The following SCUBE1 variants were observed in gnomAD, a reference collection of about 807,000 sequenced individuals.
SCUBE1 encodes the protein signal peptide, CUB domain and EGF like domain containing 1.
A neutral mutation model predicts 124.4 loss-of-function variants in SCUBE1; 59 were observed. That is an observed-to-expected ratio of 0.47 (90% CI 0.38 to 0.59). The LOEUF is 0.59. SCUBE1 is among the 20% of genes least tolerant of loss of function. SCUBE1 has a pLI of 0.00. For missense variants in SCUBE1, 1,150 were observed against 1,371.2 expected, an observed-to-expected ratio of 0.84 and a Z score of 2.55; for synonymous variants, 545 against 550.9, an observed-to-expected ratio of 0.99 and a Z score of 0.15.
intron 16 of SCUBE1, chr22:43,212,799 G>A: frequency 1.7e-6 from 1 of 585,360 alleles, no homozygotes; most frequent in Non-Finnish European, 3.0e-6. Flanking sequence ...AGCGGTTCAT[G>A]TGCGGCCTTG....
intron 4 of SCUBE1, among the ~76,000 whole-genome samples, chr22:43,273,102 G>C (rs532761967): frequency 2.6e-5 from 4 of 152,350 alleles, no homozygotes; most frequent in African/African-American, 7.2e-5. Context: ...GCAGGCCCTG[G>C]GCTGAGACCG....
chr22:43,322,943 T>C lies in SCUBE1; in HGVS notation c.221-2878A>G, dbSNP rs1361744583. 2.0e-5 allele frequency among the ~76,000 whole-genome samples: 3 copies of C among 152,204 alleles called. No individual in the cohort carries two copies. In the East Asian group the frequency reaches 5.8e-4, roughly 29 times the overall value. ...TTTGGAAGTAGGTGTTTTAACTTCA[T>C]TTTATGGTTGAACAAACTAAAGTGC... is the stretch of plus-strand genomic sequence containing the variant. On this transcript the variant is annotated intron_variant, in intron 2 of 21. Coordinates refer to ENST00000360835, the MANE Select transcript of SCUBE1 (RefSeq NM_173050.5).
Position 43,198,938 on chromosome 22 carries a change from GTCTGTCTGCTGTCCGGGGCAGTTTT to G in SCUBE1, c.*5034_*5058del, listed in dbSNP as rs1245110609. On this transcript the variant is annotated 3_prime_UTR_variant, in exon 22 of 22. Transcript: ENST00000360835. The stretch of plus-strand genomic sequence containing the variant: ...GTCTGCTGTCTGGGGCAGTTTGTCT[GTCTGTCTGCTGTCCGGGGCAGTTTT>G]TCTGTCTGCTGTCCGGGGCAACGTG... 9.5e-4 allele frequency: 350 copies of G among 368,344 alleles called. No homozygotes were observed. Among genetic ancestry groups the G allele is most frequent in the African/African-American group, 6.7e-3 (311 of 46,708 alleles). 22.8% of individuals were successfully genotyped at this position (368,344 alleles called of 1,614,324 possible).
intron 3 of SCUBE1, among the ~76,000 whole-genome samples, chr22:43,307,985 A>G (rs5751478): frequency 0.69 from 104,738 of 151,708 alleles, 37,157 homozygotes; most frequent in African/African-American, 0.87. Context: ...CCTGTAATAA[A>G]CACCCCACAG....
At chr22:43,248,752 TC>T (rs769056286) in intron 6 of SCUBE1, among the ~76,000 whole-genome samples, 45 of 152,118 alleles carry the variant, frequency 3.0e-4, no homozygotes, top group Non-Finnish European at 5.6e-4. Flanking sequence ...TGATATCACC[TC>T]CCTCACCAGC....
At chr22:43,269,519 G>A (rs17003585) in intron 4 of SCUBE1, among the ~76,000 whole-genome samples, 9 of 152,122 alleles carry the variant, frequency 5.9e-5, no homozygotes, top group Non-Finnish European at 1.3e-4. Flanking sequence ...TTGCTATGGC[G>A]ACTTCATCAA....
intron 10 of SCUBE1, among the ~76,000 whole-genome samples, chr22:43,223,828 G>T (rs1922200064): frequency 1.3e-5 from 2 of 152,204 alleles, no homozygotes; most frequent in African/African-American, 4.8e-5. Flanking sequence ...CCTCATGAGT[G>T]ACAGCCTCGC....
At chr22:43,298,908 CG>C (rs1569019777) in intron 3 of SCUBE1, among the ~76,000 whole-genome samples, 2 of 151,970 alleles carry the variant, frequency 1.3e-5, no homozygotes, top group African/African-American at 4.8e-5. Context: ...AAAAATTAGC[CG>C]GGCATGGTGG....
Position 43,255,374 on chromosome 22 carries a change from CCACA to C in SCUBE1, c.727+2841_727+2844del. 4 of 916,524 alleles carry C rather than the reference CCACA, an allele frequency of 4.4e-6. No homozygotes were observed. Among genetic ancestry groups the C allele is most frequent in the Non-Finnish European group, 6.9e-6 (4 of 578,526 alleles). The allele number at this position is 916,524 out of a possible 1,614,324, so 56.8% of individuals were successfully genotyped here. On this transcript the variant is annotated intron_variant, in intron 6 of 21. Transcript: ENST00000360835. This position sits in a 1 kb window ranked among gnomAD's most constrained non-coding sequence, Gnocchi z 4.7. ...ATGCCCCCACACGCACACGTCACAC[CCACA>C]CACAGCACACACACGCCCATGTCCA...
chr22:43,251,026 G>A (rs1237940289), intron 6 of SCUBE1, among the ~76,000 whole-genome samples: 1 of 152,238 alleles, frequency 6.6e-6, no homozygotes, highest in Non-Finnish European at 1.5e-5. Context: ...CATCTGTGAA[G>A]TGGGGATAGC....
At chr22:43,323,358 A>T (rs1195740762) in intron 2 of SCUBE1, among the ~76,000 whole-genome samples, 3 of 152,090 alleles carry the variant, frequency 2.0e-5, no homozygotes, top group Non-Finnish European at 4.4e-5. Context: ...CAACCTATCC[A>T]TTCAAATATC....
intron 3 of SCUBE1, among the ~76,000 whole-genome samples, chr22:43,308,895 A>T (rs937294312): frequency 6.6e-6 from 1 of 152,262 alleles, no homozygotes; most frequent in Non-Finnish European, 1.5e-5. Context: ...GAGAAATGAG[A>T]TGATGTGTCC....
Position 43,215,177 on chromosome 22 carries a change from G to A in SCUBE1, c.1892-926C>T, listed in dbSNP as rs575094915. 4.6e-5 allele frequency among the ~76,000 whole-genome samples: 7 copies of A among 152,348 alleles called. No individual in the cohort carries two copies. In the East Asian group the frequency reaches 1.2e-3, roughly 25 times the overall value. ...TGGCTGATGCCAGGGGATGGAGAGT[G>A]TCAGTTGGATCTGAAGGGGAGGCTC... On this transcript the variant is annotated intron_variant, in intron 15 of 21. Coordinates refer to ENST00000360835, the MANE Select transcript of SCUBE1 (RefSeq NM_173050.5).
chr22:43,297,356 C>T (rs1387695432), intron 3 of SCUBE1, among the ~76,000 whole-genome samples: 1 of 152,376 alleles, frequency 6.6e-6, no homozygotes, highest in African/African-American at 2.4e-5. Flanking sequence ...GACATGGCAC[C>T]TTGGTCCCAC....
chr22:43,266,095 C>T (rs2011183), intron 4 of SCUBE1, among the ~76,000 whole-genome samples: 24,903 of 151,882 alleles, frequency 0.16, 2,528 homozygotes, highest in East Asian at 0.33. Context: ...AGTGAGACTC[C>T]ATCTCAAAGA....
At chr22:43,222,532 C>T (rs1457594550) in intron 12 of SCUBE1, 106 bp downstream of exon 12, 5 of 853,096 alleles carry the variant, frequency 5.9e-6, no homozygotes, top group Non-Finnish European at 9.2e-6. Context: ...GGGCCGAGAG[C>T]AGGAAGGTCT....
intron 3 of SCUBE1, among the ~76,000 whole-genome samples, chr22:43,317,781 C>T (rs1032447019): frequency 6.6e-6 from 1 of 152,240 alleles, no homozygotes; most frequent in Non-Finnish European, 1.5e-5. Context: ...TTCGCAGCTC[C>T]CAGTACTTGT....
At chr22:43,256,065 A>C (rs1376836938) in intron 6 of SCUBE1, among the ~76,000 whole-genome samples, 1 of 152,200 alleles carries the variant, frequency 6.6e-6, no homozygotes, top group Non-Finnish European at 1.5e-5. Context: ...GAGACAGCAG[A>C]GGCTCCGTCA....
chr22:43,235,475 C>T (rs1922722763), intron 7 of SCUBE1, among the ~76,000 whole-genome samples: 1 of 152,084 alleles, frequency 6.6e-6, no homozygotes, highest in South Asian at 2.1e-4. Context: ...GTGGCGGTCA[C>T]TCGAGGGCAC....
Sources: gnomAD v4.1 joint callset for allele counts (sites outside exome capture counted in the v4.1 genomes callset) on GRCh38, gnomAD v4.1.1 for gene constraint, Gnocchi (gnomAD v3.1) non-coding constraint, MANE v1.5 for transcripts, NCBI Gene and HGNC (gene_info 2026-07-23, HGNC 2026-07-21) for gene names.